SPG11: variants seen among roughly 807,000 people sequenced by gnomAD.
The protein encoded by SPG11 is spatacsin.
In SPG11, 222 loss-of-function variants were observed where a neutral mutation model predicts 274.0. The observed-to-expected ratio is 0.81, with a 90% CI of 0.73 to 0.91. The LOEUF is 0.91. Among genes scored for constraint, SPG11 ranks in the 40% least tolerant of loss-of-function variants. The pLI, the probability that SPG11 is intolerant of heterozygous loss-of-function variation, is 0.00. For missense variants in SPG11, 3,114 were observed against 2,872.7 expected, an observed-to-expected ratio of 1.08 and a Z score of -1.92; for synonymous variants, 1,144 against 1,039.7, an observed-to-expected ratio of 1.10 and a Z score of -1.93.
At chr15:44,606,843 C>A (rs1417898296) in intron 19 of SPG11, among the ~76,000 whole-genome samples, 2 of 152,122 alleles carry the variant, frequency 1.3e-5, no homozygotes, top group African/African-American at 4.8e-5. Context: ...GAAAACAGAA[C>A]AAAGAGCAAC....
intron 6 of SPG11, among the ~76,000 whole-genome samples, chr15:44,650,168 A>G (rs1231217414): frequency 1.3e-5 from 2 of 152,158 alleles, no homozygotes; most frequent in Non-Finnish European, 2.9e-5. Context: ...AAAATCTCCC[A>G]TGGGTACAGG....
At chr15:44,578,461 TG>T (rs900508488) in intron 30 of SPG11, among the ~76,000 whole-genome samples, 3 of 151,738 alleles carry the variant, frequency 2.0e-5, no homozygotes, top group Admixed American at 2.0e-4. Context: ...CAAGACAGAG[TG>T]GGGGTAACTA....
chr15:44,602,571 C>T (rs1451996335), intron 20 of SPG11, among the ~76,000 whole-genome samples: 5 of 151,694 alleles, frequency 3.3e-5, no homozygotes, highest in East Asian at 1.9e-4. Context: ...TTCCGCCTCC[C>T]GTATTCACGC....
At chr15:44,645,181 T>C (rs912904816) in intron 7 of SPG11, among the ~76,000 whole-genome samples, 2 of 152,156 alleles carry the variant, frequency 1.3e-5, no homozygotes, top group Non-Finnish European at 2.9e-5. Flanking sequence ...CTAAGACCAA[T>C]TGTAGCTGCA....
Position 44,585,704 on chromosome 15 carries a change from G to A in SPG11, c.5053C>T (p.Gln1685Ter). The stretch of plus-strand genomic sequence containing the variant: ...GCTACCCTCCTGGCCAAAGCGAATT[G>A]TCCATCTGTCTGCAGTCTTTCCAAA... The part of the protein sequence containing the change: ...SILERLQTDG[Q>*]FALARRVAEL... The change falls in exon 29 of 40, where the codon CAA (glutamine) becomes TAA (stop). Residue 1685 changes from glutamine to a stop codon, truncating the protein, a stop_gained. Transcript: ENST00000261866. LOFTEE classifies it high-confidence loss of function. 1 of 1,609,676 alleles carries A rather than the reference G, an allele frequency of 6.2e-7. No individual in the cohort carries two copies. The highest frequency in any genetic ancestry group is 8.5e-7 in the Non-Finnish European group (1 of 1,177,704).
chr15:44,610,755 A>G lies in SPG11; in HGVS notation c.3291+85T>C, dbSNP rs899401208. On this transcript the variant is annotated intron_variant, in intron 18 of 39. Transcript: ENST00000261866. Reference sequence around the variant, plus strand: ...AATACTTGAATATAGTTATATTTTAATATCAGCTGAGATCTAGACAATCCA... The same window carrying G: ...AATACTTGAATATAGTTATATTTTAGTATCAGCTGAGATCTAGACAATCCA... 12 of 1,253,374 alleles carry G rather than the reference A, an allele frequency of 9.6e-6. No homozygotes were observed. In the Middle Eastern group the frequency reaches 6.1e-4, roughly 64 times the overall value. The allele number at this position is 1,253,374 out of a possible 1,614,324, so 77.6% of individuals were successfully genotyped here. A position where few individuals can be genotyped will look rare whatever the true frequency, so the allele number is the denominator to read the frequency against.
At chr15:44,638,355 G>C (rs1368737345) in intron 7 of SPG11, among the ~76,000 whole-genome samples, 1 of 152,128 alleles carries the variant, frequency 6.6e-6, no homozygotes, top group Non-Finnish European at 1.5e-5. Context: ...AGCTACTCAA[G>C]AGGCTGGGGC....
intron 7 of SPG11, among the ~76,000 whole-genome samples, chr15:44,642,364 C>CAAAAA (rs36011354): frequency 6.7e-5 from 3 of 44,480 alleles, no homozygotes; most frequent in African/African-American, 1.2e-4. Flanking sequence ...GACTCCATCT[C>CAAAAA]AAAAAAAAAA....
chr15:44,659,048 T>TAGA, intron 3 of SPG11, 31 bp downstream of exon 3: 1 of 1,597,998 alleles, frequency 6.3e-7, no homozygotes. Context: ...CTCCTCTACG[T>TAGA]ATCAATCAAC....
Position 44,562,900 on chromosome 15 carries a change from T to C in SPG11, c.*221A>G. 1 of 546,374 alleles carries C rather than the reference T, an allele frequency of 1.8e-6. No homozygotes were observed. Among genetic ancestry groups the C allele is most frequent in the Non-Finnish European group, 3.3e-6 (1 of 305,326 alleles). The allele number at this position is 546,374 out of a possible 1,614,324, so 33.8% of individuals were successfully genotyped here. A position where few individuals can be genotyped will look rare whatever the true frequency, so the allele number is the denominator to read the frequency against. On this transcript the variant is annotated 3_prime_UTR_variant, in exon 40 of 40. Transcript: ENST00000261866. The stretch of plus-strand genomic sequence containing the variant: ...CTTTTGATCTTAATACTAGTATCTA[T>C]ATAAAATGGTGTGGATGAACAATCA...
In SPG11 at chr15:44,626,526, T is replaced by A; in HGVS notation, c.2068-19A>T. 2 of 1,612,882 alleles carry A rather than the reference T, an allele frequency of 1.2e-6. No homozygotes were observed. The highest frequency in any genetic ancestry group is 1.7e-6 in the Non-Finnish European group (2 of 1,179,448). On this transcript the variant is annotated intron_variant, in intron 10 of 39. Transcript: ENST00000261866. ...TAACTTCCTAGGAAAAGAAAAACGTTTGCCTTTTAAGTTCTTTTTCATTTC... is the reference window on the plus strand; with the variant it reads ...TAACTTCCTAGGAAAAGAAAAACGTATGCCTTTTAAGTTCTTTTTCATTTC...
intron 6 of SPG11, among the ~76,000 whole-genome samples, chr15:44,651,011 G>A (rs2084757741): frequency 6.6e-6 from 1 of 152,186 alleles, no homozygotes; most frequent in African/African-American, 2.4e-5. Flanking sequence ...GCCTCCCAAA[G>A]TGCTGGGATT....
intron 18 of SPG11, 63 bp downstream of exon 18, chr15:44,610,777 T>A (rs2083439605): frequency 7.2e-7 from 1 of 1,397,818 alleles, no homozygotes; most frequent in Admixed American, 1.7e-5. Flanking sequence ...ATCTAGACAA[T>A]CCATAGATAA....
intron 17 of SPG11, among the ~76,000 whole-genome samples, chr15:44,611,809 C>CTTTT (rs71111871): frequency 1.4e-4 from 17 of 119,484 alleles, no homozygotes; most frequent in African/African-American, 1.9e-4. Context: ...TGGTCACTGT[C>CTTTT]TTTTTTTTTT....
At chr15:44,600,256 G>A in intron 21 of SPG11, 1 of 531,928 alleles carries the variant, frequency 1.9e-6, no homozygotes, top group Non-Finnish European at 3.4e-6. Flanking sequence ...ATACAGATAT[G>A]CCCTTTTTTA....
intron 1 of SPG11, among the ~76,000 whole-genome samples, chr15:44,662,650 T>TAAAAAAAAAA (rs527806518): frequency 1.1e-5 from 1 of 91,180 alleles, no homozygotes; most frequent in African/African-American, 4.3e-5. Context: ...ACCTTATCTT[T>TAAAAAAAAAA]AAAAAAAAAA....
Position 44,584,562 on chromosome 15 carries a change from T to A in SPG11, c.5122-4A>T. 6.2e-7 allele frequency: 1 copy of A among 1,607,530 alleles called. No individual in the cohort carries two copies. Among genetic ancestry groups the A allele is most frequent in the Non-Finnish European group, 8.5e-7 (1 of 1,179,986 alleles). ...GGGTCTGCATTTCCTGTGTTATCTG[T>A]GAAATTTAACAAAGCAGATTTTAGC... On this transcript the variant is annotated splice_polypyrimidine_tract_variant and splice_region_variant and intron_variant, in intron 29 of 39. Transcript: ENST00000261866.
intron 33 of SPG11, chr15:44,572,351 C>T (rs953920359): frequency 4.6e-5 from 16 of 347,390 alleles, no homozygotes; most frequent in South Asian, 7.5e-5. Flanking sequence ...ACCAGCTCTG[C>T]CACTTAACAG....
At chr15:44,568,163 G>C (rs555591793) in intron 35 of SPG11, among the ~76,000 whole-genome samples, 19 of 152,326 alleles carry the variant, frequency 1.2e-4, no homozygotes, top group African/African-American at 4.3e-4. Flanking sequence ...GTTAGTGACT[G>C]TCTCCAGATG....
Sources: gnomAD v4.1 joint callset for allele counts (sites outside exome capture counted in the v4.1 genomes callset) on GRCh38, gnomAD v4.1.1 for gene constraint, MANE v1.5 for transcripts, NCBI Gene and HGNC (gene_info 2026-07-23, HGNC 2026-07-21) for gene names.